The following DUSP18 variants were observed in gnomAD, a reference collection of about 807,000 sequenced individuals.
The protein encoded by DUSP18 is dual specificity protein phosphatase 18.
DUSP18 carries 4 observed loss-of-function variants against 6.3 expected under a neutral mutation model. The observed-to-expected ratio is 0.63, with a 90% CI of 0.31 to 1.45. The LOEUF (loss-of-function observed/expected upper bound fraction) is 1.45. DUSP18 is among the 40% of genes most tolerant of loss of function. DUSP18 has a pLI of 0.07. For synonymous variants in DUSP18, 96 were observed against 95.1 expected, an observed-to-expected ratio of 1.01 and a Z score of -0.05; for missense variants, 235 against 247.7, an observed-to-expected ratio of 0.95 and a Z score of 0.34.
intron 1 of DUSP18, among the ~76,000 whole-genome samples, chr22:30,664,397 C>G (rs1475484006): frequency 2.4e-4 from 36 of 152,240 alleles, no homozygotes; most frequent in Admixed American, 2.3e-3. Flanking sequence ...GGTCCCACAG[C>G]TCTAGTTGGG....
At chr22:30,657,320 G>A (rs1441822378), downstream of DUSP18, among the ~76,000 whole-genome samples, 1 of 151,670 alleles carries the variant, frequency 6.6e-6, no homozygotes, top group Non-Finnish European at 1.5e-5. Context: ...TTAGCCGGGC[G>A]TGGGGGCGGG....
At chr22:30,653,626 G>A (rs899853265) in intron 2 of DUSP18, among the ~76,000 whole-genome samples, 1 of 150,928 alleles carries the variant, frequency 6.6e-6, no homozygotes, top group Non-Finnish European at 1.5e-5. Context: ...GCCCCCCCTC[G>A]GCCTCCCAAA....
downstream of DUSP18, among the ~76,000 whole-genome samples, chr22:30,658,418 G>T (rs1209326116): frequency 6.6e-6 from 1 of 151,486 alleles, no homozygotes; most frequent in African/African-American, 2.4e-5. Context: ...AGCAGTAACA[G>T]TGGTGGCCAG....
chr22:30,659,345 A>T (rs1389661875), downstream of DUSP18, among the ~76,000 whole-genome samples: 1 of 152,078 alleles, frequency 6.6e-6, no homozygotes. Context: ...GATGACCCAG[A>T]TGTTGGAATT....
downstream of DUSP18, among the ~76,000 whole-genome samples, chr22:30,658,237 T>C (rs140203579): frequency 5.6e-4 from 85 of 151,814 alleles, no homozygotes; most frequent in Non-Finnish European, 1.1e-3. Flanking sequence ...CTGAGGACTC[T>C]GAAAAAGAAA....
chr22:30,663,247 A>G lies in DUSP18; in HGVS notation c.*190T>C, dbSNP rs2088528553. 1 of 628,408 alleles carries G rather than the reference A, an allele frequency of 1.6e-6. No homozygotes were observed. The highest frequency in any genetic ancestry group is 2.2e-5 in the South Asian group (1 of 45,846). 38.9% of individuals were successfully genotyped at this position (628,408 alleles called of 1,614,324 possible). A position where few individuals can be genotyped will look rare whatever the true frequency, so the allele number is the denominator to read the frequency against. On this transcript the variant is annotated 3_prime_UTR_variant, in exon 2 of 2. Transcript: ENST00000334679. ...GCAGAAAATTTATCTTCACCATCTC[A>G]CAATTAGTTTAATCTTAAAAAAAAT...
chr22:30,654,623 G>A lies in DUSP18; in HGVS notation c.*34-2326C>T, dbSNP rs530418778. The A allele has an allele frequency of 3.0e-3, 1,362 of 460,338 alleles. 10 individuals carry two copies. The highest frequency in any genetic ancestry group is 4.6e-3 in the Non-Finnish European group (1,066 of 232,606). The allele number at this position is 460,338 out of a possible 1,614,324, so 28.5% of individuals were successfully genotyped here. A position where few individuals can be genotyped will look rare whatever the true frequency, so the allele number is the denominator to read the frequency against. ...GGGGCCCAGAAGTGGTAGGTGCCTC[G>A]GGAAGGGTTGCTGTTCATCCACTTG... On this transcript the variant is annotated intron_variant, in intron 2 of 2. Coordinates refer to the DUSP18 transcript ENST00000404885.
At chr22:30,665,346 C>T (rs1189083625) in intron 1 of DUSP18, 4 of 275,552 alleles carry the variant, frequency 1.5e-5, no homozygotes, top group Non-Finnish European at 3.0e-5. Flanking sequence ...CTGCCTGTCT[C>T]TCCAGCCTCT....
intron 1 of DUSP18, among the ~76,000 whole-genome samples, chr22:30,664,462 C>T (rs2088581147): frequency 1.3e-5 from 2 of 152,240 alleles, no homozygotes; most frequent in African/African-American, 4.8e-5. Flanking sequence ...TTTAAGCTCA[C>T]AGAGCCCTTT....
chr22:30,666,331 T>A (rs2088661297), intron 1 of DUSP18, among the ~76,000 whole-genome samples: 1 of 152,012 alleles, frequency 6.6e-6, no homozygotes, highest in African/African-American at 2.4e-5. Flanking sequence ...TTAAGAAATA[T>A]CTATCAGGGC....
intron 2 of DUSP18, among the ~76,000 whole-genome samples, chr22:30,653,621 C>A (rs914014949): frequency 1.3e-5 from 2 of 151,988 alleles, no homozygotes; most frequent in Non-Finnish European, 2.9e-5. Context: ...GACCCGCCCC[C>A]CCTCGGCCTC....
At position 30,662,350 on chromosome 22, in the gene DUSP18, T is replaced by C. The variant is rs970869375; in HGVS notation, c.*1087A>G. 2.0e-5 allele frequency: 3 copies of C among 152,200 alleles called. No homozygotes were observed. Among genetic ancestry groups the C allele is most frequent in the African/African-American group, 4.8e-5 (2 of 41,442 alleles). 9.4% of individuals were successfully genotyped at this position (152,200 alleles called of 1,614,324 possible). A position where few individuals can be genotyped will look rare whatever the true frequency, so the allele number is the denominator to read the frequency against. ...GAAGAGGAGGTGACAGGGCTGGGCCTTGGTCCGAAGCTCCAGCCTTCCAAG... is the reference window on the plus strand; with the variant it reads ...GAAGAGGAGGTGACAGGGCTGGGCCCTGGTCCGAAGCTCCAGCCTTCCAAG... On this transcript the variant is annotated 3_prime_UTR_variant, in exon 2 of 2. Coordinates refer to ENST00000334679, the MANE Select transcript of DUSP18 (RefSeq NM_152511.5).
rs370196864 is a variant in DUSP18, at chr22:30,654,145, ATTTTTAT to A, written c.*34-1855_*34-1849del. On this transcript the variant is annotated intron_variant, in intron 2 of 2. Transcript: ENST00000404885. The stretch of plus-strand genomic sequence containing the variant: ...CGGGCGCCCGCCACCACGCCCGGCT[ATTTTTAT>A]TTTTTATTTTTTTAGTAGAGACTGG... The A allele has an allele frequency of 2.4e-3, 549 of 225,856 alleles. 2 individuals are homozygous for A. Among genetic ancestry groups the A allele is most frequent in the African/African-American group, 7.8e-3 (331 of 42,638 alleles). The allele number at this position is 225,856 out of a possible 1,614,324, so 14.0% of individuals were successfully genotyped here.
downstream of DUSP18, among the ~76,000 whole-genome samples, chr22:30,659,942 G>C (rs560168452): frequency 6.6e-6 from 1 of 152,280 alleles, no homozygotes; most frequent in Admixed American, 6.5e-5. Context: ...GGCACACGTA[G>C]AAAGCACCAG....
At chr22:30,655,958 C>A (rs2088331051) in intron 2 of DUSP18, among the ~76,000 whole-genome samples, 1 of 150,938 alleles carries the variant, frequency 6.6e-6, no homozygotes, top group Non-Finnish European at 1.5e-5. Flanking sequence ...TATTTTCATT[C>A]ATTTATTGAG....
chr22:30,660,476 G>GA (rs1000961869), downstream of DUSP18, among the ~76,000 whole-genome samples: 26 of 152,050 alleles, frequency 1.7e-4, no homozygotes, highest in African/African-American at 6.0e-4. Flanking sequence ...CCCACCTAGA[G>GA]AAAATTTTTT....
At chr22:30,656,185 C>T (rs1420983907) in intron 2 of DUSP18, among the ~76,000 whole-genome samples, 3 of 151,952 alleles carry the variant, frequency 2.0e-5, no homozygotes, top group South Asian at 2.1e-4. Context: ...CTATGTTGCC[C>T]AGGCTGATCG....
chr22:30,652,541 A>G (rs2088242693), intron 2 of DUSP18, among the ~76,000 whole-genome samples: 1 of 152,266 alleles, frequency 6.6e-6, no homozygotes, highest in Admixed American at 6.5e-5. Context: ...TATGCCCAGG[A>G]ATGAATAAAG....
chr22:30,656,561 C>T (rs1265894448), downstream of DUSP18, among the ~76,000 whole-genome samples: 1 of 152,160 alleles, frequency 6.6e-6, no homozygotes, highest in African/African-American at 2.4e-5. Context: ...GGCCTAGAAT[C>T]CCTGTTCTAA....
Sources: allele counts gnomAD v4.1 joint callset (sites outside exome capture counted in the v4.1 genomes callset), GRCh38; gene constraint gnomAD v4.1.1; transcripts MANE v1.5; gene names NCBI Gene and HGNC (gene_info 2026-07-23, HGNC 2026-07-21).